The following STEAP1B variants were observed in gnomAD, a reference collection of about 807,000 sequenced individuals.
STEAP1B encodes STEAP family member 1B, also known as STEAP family protein MGC87042.
In STEAP1B, 13 loss-of-function variants were observed where a neutral mutation model predicts 27.9. The observed-to-expected ratio is 0.47, with a 90% CI of 0.30 to 0.74. STEAP1B has a LOEUF of 0.74. STEAP1B is among the 30% of genes least tolerant of loss of function. The pLI, the probability that STEAP1B is intolerant of heterozygous loss-of-function variation, is 0.06. For missense variants in STEAP1B, 250 were observed against 298.7 expected, an observed-to-expected ratio of 0.84 and a Z score of 1.20; for synonymous variants, 86 against 107.1, an observed-to-expected ratio of 0.80 and a Z score of 1.22.
intron 4 of STEAP1B, among the ~76,000 whole-genome samples, chr7:22,445,524 A>G (rs1370980130): frequency 2.0e-5 from 3 of 152,266 alleles, no homozygotes; most frequent in African/African-American, 4.8e-5. Flanking sequence ...AGCCAGCTTC[A>G]CTTGGGAGCC....
At chr7:22,484,644 C>T (rs1786168760) in intron 4 of STEAP1B, among the ~76,000 whole-genome samples, 1 of 152,184 alleles carries the variant, frequency 6.6e-6, no homozygotes, top group Non-Finnish European at 1.5e-5. Flanking sequence ...TTTCAACTTT[C>T]AAGTCTTATT....
chr7:22,446,918 G>A (rs1390112929), intron 4 of STEAP1B, among the ~76,000 whole-genome samples: 1 of 152,146 alleles, frequency 6.6e-6, no homozygotes, highest in Non-Finnish European at 1.5e-5. Context: ...TGATTTTTCT[G>A]TCTCTCTCTA....
chr7:22,485,539 A>G (rs1183169371), intron 4 of STEAP1B, among the ~76,000 whole-genome samples: 1 of 152,204 alleles, frequency 6.6e-6, no homozygotes, highest in Non-Finnish European at 1.5e-5. Flanking sequence ...CTAAGGCTAG[A>G]GTGCAGTGGC....
At chr7:22,488,857 G>A (rs1431797889) in intron 4 of STEAP1B, among the ~76,000 whole-genome samples, 2 of 152,162 alleles carry the variant, frequency 1.3e-5, no homozygotes. Context: ...GAAGGTGGAG[G>A]CTGAGAAGGC....
intron 4 of STEAP1B, among the ~76,000 whole-genome samples, chr7:22,420,815 C>T (rs1179550577): frequency 6.6e-6 from 1 of 152,194 alleles, no homozygotes; most frequent in South Asian, 2.1e-4. Flanking sequence ...TGTATAAACT[C>T]TCTAATCCTT....
At chr7:22,492,459 C>G in intron 4 of STEAP1B, 106 bp downstream of exon 4, 5 of 1,393,074 alleles carry the variant, frequency 3.6e-6, no homozygotes, top group Non-Finnish European at 4.7e-6. Flanking sequence ...AAGATCTTTG[C>G]TGTTGAAAAA....
intron 4 of STEAP1B, among the ~76,000 whole-genome samples, chr7:22,423,311 G>C (rs901647087): frequency 1.3e-5 from 2 of 152,096 alleles, no homozygotes; most frequent in African/African-American, 4.8e-5. Flanking sequence ...TCAAAATCTT[G>C]CACATGAATG....
At chr7:22,457,803 A>G (rs1785611643) in intron 4 of STEAP1B, among the ~76,000 whole-genome samples, 1 of 152,250 alleles carries the variant, frequency 6.6e-6, no homozygotes, top group Non-Finnish European at 1.5e-5. Context: ...TGCAAAGTCA[A>G]CTGCAAGGTC....
intron 4 of STEAP1B, among the ~76,000 whole-genome samples, chr7:22,478,737 A>T (rs1786016480): frequency 6.6e-6 from 1 of 152,218 alleles, no homozygotes; most frequent in Non-Finnish European, 1.5e-5. Context: ...CACACTGTCT[A>T]GTCCAGTAGC....
chr7:22,458,787 G>C (rs964864143), intron 4 of STEAP1B, among the ~76,000 whole-genome samples: 1 of 152,158 alleles, frequency 6.6e-6, no homozygotes, highest in South Asian at 2.1e-4. Context: ...CTAGATTGTG[G>C]AGGGCATTGC....
chr7:22,457,059 G>A (rs1192391719), intron 4 of STEAP1B, among the ~76,000 whole-genome samples: 1 of 148,700 alleles, frequency 6.7e-6, no homozygotes, highest in Non-Finnish European at 1.5e-5. Flanking sequence ...AAGCTGGACA[G>A]CGTCTTCCAA....
Position 22,419,825 on chromosome 7 carries a change from C to G in STEAP1B, c.774G>C (p.Arg258Ser). 6.5e-7 allele frequency: 1 copy of G among 1,550,026 alleles called. No individual in the cohort carries two copies. The highest frequency in any genetic ancestry group is 2.4e-5 in the East Asian group (1 of 40,846). Residue 258 changes from arginine to serine, a missense_variant, in exon 5 of 5, where the codon AGG (arginine) becomes AGC (serine). By Grantham distance (110) the Arg-to-Ser change is moderately radical (BLOSUM62 -1). Coordinates refer to ENST00000678116, the MANE Select transcript of STEAP1B (RefSeq NM_001382447.1). ...TCTGTCACAAGGTCAGGAAGTTGAT[C>G]CTACCATGTACCTGGAAGGCAGACA... ...REFHYIQVHG[R>S]INFLTL
chr7:22,448,604 GA>G (rs1374515365), intron 4 of STEAP1B, among the ~76,000 whole-genome samples: 2 of 151,884 alleles, frequency 1.3e-5, no homozygotes, highest in African/African-American at 4.8e-5. Flanking sequence ...AAATTATGAA[GA>G]AATTATTCAG....
chr7:22,489,596 A>T (rs1562585149), intron 4 of STEAP1B, among the ~76,000 whole-genome samples: 1 of 152,236 alleles, frequency 6.6e-6, no homozygotes, highest in Non-Finnish European at 1.5e-5. Flanking sequence ...AGAGACGGAC[A>T]GGCACACAGG....
intron 4 of STEAP1B, among the ~76,000 whole-genome samples, chr7:22,446,071 T>C (rs1052709688): frequency 2.6e-5 from 4 of 152,244 alleles, no homozygotes; most frequent in African/African-American, 7.2e-5. Context: ...AATGGTCAAC[T>C]GTAAATGCAG....
intron 4 of STEAP1B, among the ~76,000 whole-genome samples, chr7:22,477,960 C>T (rs1257892109): frequency 6.6e-6 from 1 of 152,176 alleles, no homozygotes; most frequent in Non-Finnish European, 1.5e-5. Context: ...GAAAAACACA[C>T]AGTACTCTTC....
At chr7:22,430,321 C>G (rs17146882) in intron 4 of STEAP1B, among the ~76,000 whole-genome samples, 12,085 of 152,166 alleles carry the variant, frequency 0.079, 731 homozygotes, top group East Asian at 0.17. Context: ...AAACTGCTTG[C>G]ATTGTACCAG....
At chr7:22,464,339 G>A (rs908321306) in intron 4 of STEAP1B, among the ~76,000 whole-genome samples, 1 of 152,168 alleles carries the variant, frequency 6.6e-6, no homozygotes, top group Non-Finnish European at 1.5e-5. Context: ...CCTGACTGCT[G>A]TCTGGACAGC....
rs560127291 is a variant in STEAP1B, at chr7:22,431,098, A to G, written c.763-11262T>C. On this transcript the variant is annotated intron_variant, in intron 4 of 4. Coordinates refer to ENST00000678116, the MANE Select transcript of STEAP1B (RefSeq NM_001382447.1). ...TGGCTTTAAGATGTTTTTGGCTACA[A>G]GTAACAGAAACTTGAACTCAAATTG... Among the ~76,000 whole-genome samples the G allele has an allele frequency of 1.6e-4, 24 of 152,346 alleles. No individual in the cohort carries two copies. In the East Asian group the frequency reaches 4.2e-3, roughly 27 times the overall value.
Sources: allele counts gnomAD v4.1 joint callset (sites outside exome capture counted in the v4.1 genomes callset), GRCh38; gene constraint gnomAD v4.1.1; transcripts MANE v1.5; gene names NCBI Gene and HGNC (gene_info 2026-07-23, HGNC 2026-07-21).